NRF1: variants seen among roughly 807,000 people sequenced by gnomAD.
NRF1 encodes the protein nuclear respiratory factor 1, also known as alpha palindromic-binding protein.
In NRF1, 5 loss-of-function variants were observed where a neutral mutation model predicts 58.5. The observed-to-expected ratio is 0.09, with a 90% confidence interval of 0.04 to 0.18. The LOEUF (loss-of-function observed/expected upper bound fraction) is 0.18, where lower values mean the gene tolerates loss of function less well. NRF1 is among the 10% of genes least tolerant of loss of function. The pLI, the probability that NRF1 is intolerant of heterozygous loss-of-function variation, is 1.00. For missense variants in NRF1, 288 were observed against 657.7 expected (o/e 0.44, Z 6.15); for synonymous variants, 224 against 246.7 (o/e 0.91, Z 0.86).
chr7:129,616,223 C>T (rs1002842619), intron 1 of NRF1, among the ~76,000 whole-genome samples: 29 of 152,080 alleles, frequency 1.9e-4, no homozygotes, highest in Non-Finnish European at 4.0e-4. Flanking sequence ...TTATGTGATA[C>T]CAAGTAAACT....
At chr7:129,635,671 A>T (rs1584593923) in intron 1 of NRF1, among the ~76,000 whole-genome samples, 1 of 151,856 alleles carries the variant, frequency 6.6e-6, no homozygotes, top group East Asian at 1.9e-4. Context: ...TTTTTTTGTT[A>T]CCTTTCTTTC....
chr7:129,751,360 A>C (rs1804111754), intron 10 of NRF1, among the ~76,000 whole-genome samples: 1 of 152,278 alleles, frequency 6.6e-6, no homozygotes, highest in Admixed American at 6.5e-5. Context: ...GGAGAACAGC[A>C]AGATCAGGTC....
At chr7:129,632,701 T>C (rs1192781173) in intron 1 of NRF1, among the ~76,000 whole-genome samples, 2 of 152,224 alleles carry the variant, frequency 1.3e-5, no homozygotes, top group Non-Finnish European at 2.9e-5. Context: ...TTTATATGTT[T>C]TTAAGCTTTG....
Position 129,727,250 on chromosome 7 carries a change from C to A in NRF1, c.1233C>A (p.Ala411=). ...TVTMALNSEA[A]AHAVATLAEA... is the part of the protein sequence containing the mutation. ...GTTCCTGTGCCCGCAGCGAAGCTGCCGCCCATGCTGTCGCCACCCTGGCTG... is the reference window on the plus strand; with the variant it reads ...GTTCCTGTGCCCGCAGCGAAGCTGCAGCCCATGCTGTCGCCACCCTGGCTG... Residue 411 remains alanine, a synonymous_variant, in exon 10 of 11, where the codon GCC becomes GCA. Coordinates refer to ENST00000393232, the MANE Select transcript of NRF1 (RefSeq NM_005011.5). 6.3e-7 allele frequency: 1 copy of A among 1,594,174 alleles called. No homozygotes were observed. The highest frequency in any genetic ancestry group is 1.9e-5 in the Admixed American group (1 of 52,834).
intron 1 of NRF1, among the ~76,000 whole-genome samples, chr7:129,638,447 G>C (rs1014831747): frequency 2.0e-5 from 3 of 152,158 alleles, no homozygotes; most frequent in African/African-American, 7.2e-5. Context: ...TTGGTGGTTT[G>C]ACAGCCAGCT....
At chr7:129,618,989 A>G (rs1800712034) in intron 1 of NRF1, among the ~76,000 whole-genome samples, 2 of 152,148 alleles carry the variant, frequency 1.3e-5, no homozygotes, top group South Asian at 4.1e-4. Context: ...CACTTGTGGC[A>G]TCATGTCAAC....
chr7:129,689,493 C>G (rs1193649278), intron 4 of NRF1, among the ~76,000 whole-genome samples: 1 of 152,192 alleles, frequency 6.6e-6, no homozygotes, highest in Non-Finnish European at 1.5e-5. Flanking sequence ...CAGAGGTATC[C>G]TCATACCCCT....
intron 3 of NRF1, among the ~76,000 whole-genome samples, chr7:129,676,293 A>G (rs1237480510): frequency 1.3e-5 from 2 of 152,212 alleles, no homozygotes; most frequent in Non-Finnish European, 2.9e-5. Flanking sequence ...AACGTGGCCA[A>G]CTGTTTGGCA....
intron 5 of NRF1, among the ~76,000 whole-genome samples, chr7:129,696,436 C>G (rs898454337): frequency 6.6e-6 from 1 of 152,064 alleles, no homozygotes; most frequent in Non-Finnish European, 1.5e-5. Context: ...CTCATTTAAT[C>G]CACCTTTCTG....
intron 5 of NRF1, among the ~76,000 whole-genome samples, chr7:129,692,124 G>C (rs557010132): frequency 6.6e-6 from 1 of 152,124 alleles, no homozygotes; most frequent in African/African-American, 2.4e-5. Flanking sequence ...GGTCATGTCA[G>C]TTCACCTCTG....
intron 10 of NRF1, among the ~76,000 whole-genome samples, chr7:129,747,997 C>A (rs953226809): frequency 6.6e-6 from 1 of 152,104 alleles, no homozygotes; most frequent in Non-Finnish European, 1.5e-5. Context: ...AGTCCTCGGC[C>A]GGGCGCGGTG....
chr7:129,639,861 T>A (rs1233701883), intron 1 of NRF1, among the ~76,000 whole-genome samples: 1 of 152,132 alleles, frequency 6.6e-6, no homozygotes, highest in Non-Finnish European at 1.5e-5. Context: ...CCCCCTTTTT[T>A]AAAAAAAGTA....
At chr7:129,620,388 CTTT>C (rs10714338) in intron 1 of NRF1, among the ~76,000 whole-genome samples, 9 of 132,558 alleles carry the variant, frequency 6.8e-5, no homozygotes, top group Admixed American at 7.5e-5. Context: ...AATCAAATCA[CTTT>C]TTTTTTTTTT....
chr7:129,612,486 G>A (rs1232320206), intron 1 of NRF1, among the ~76,000 whole-genome samples: 1 of 152,216 alleles, frequency 6.6e-6, no homozygotes, highest in Non-Finnish European at 1.5e-5. Context: ...TGCAAGTTAG[G>A]AGGTGGCCGG....
At chr7:129,616,265 A>T in intron 1 of NRF1, among the ~76,000 whole-genome samples, 1 of 152,182 alleles carries the variant, frequency 6.6e-6, no homozygotes, top group East Asian at 1.9e-4. Flanking sequence ...TAGAAATAAA[A>T]CTTTACAGAG....
Position 129,733,001 on chromosome 7 carries a change from G to A in NRF1, c.1348+5636G>A, listed in dbSNP as rs369291902. ...CAGGAGAATTGCTTGAACCCAGGAG[G>A]CAGAGGTTGCAGTGAGCTGAGATTG... On this transcript the variant is annotated intron_variant, in intron 10 of 10. Coordinates refer to ENST00000393232, the MANE Select transcript of NRF1 (RefSeq NM_005011.5). Among the ~76,000 whole-genome samples, 23 of 151,870 alleles carry A rather than the reference G, an allele frequency of 1.5e-4. No homozygotes were observed. The East Asian group carries it at 1.6e-3, about 10-fold the overall frequency.
At chr7:129,724,619 T>C (rs1803408059) in intron 9 of NRF1, among the ~76,000 whole-genome samples, 1 of 152,178 alleles carries the variant, frequency 6.6e-6, no homozygotes, top group African/African-American at 2.4e-5. Flanking sequence ...AGCTAAAACA[T>C]GGGAGCAACC....
chr7:129,617,439 G>T (rs546218717), intron 1 of NRF1, among the ~76,000 whole-genome samples: 21 of 152,202 alleles, frequency 1.4e-4, no homozygotes, highest in African/African-American at 5.1e-4. Flanking sequence ...GGGACTAGGG[G>T]ACCTGATTCT....
Position 129,622,557 on chromosome 7 carries a change from CTTTCT to C in NRF1, c.-7+10747_-7+10751del, listed in dbSNP as rs528384378. ...TAATATGCATGGTTTAGATATTTTT[CTTTCT>C]TTTCTTTTCTTTTTTTTTTTTTTTT... On this transcript the variant is annotated intron_variant, in intron 1 of 10. Coordinates refer to ENST00000393232, the MANE Select transcript of NRF1 (RefSeq NM_005011.5). Among the ~76,000 whole-genome samples, 319 of 147,128 alleles carry C rather than the reference CTTTCT, an allele frequency of 2.2e-3. 2 individuals carry two copies. Among genetic ancestry groups the C allele is most frequent in the African/African-American group, 7.2e-3 (290 of 40,530 alleles).
Sources: gnomAD v4.1 joint callset for allele counts (sites outside exome capture counted in the v4.1 genomes callset) on GRCh38, gnomAD v4.1.1 for gene constraint, MANE v1.5 for transcripts, NCBI Gene and HGNC (gene_info 2026-07-23, HGNC 2026-07-21) for gene names.